PLCXD3: variants seen among roughly 807,000 people sequenced by gnomAD.
The protein encoded by PLCXD3 is phosphatidylinositol specific phospholipase C X domain containing 3, also known as PI-PLC X domain-containing protein 3.
A neutral mutation model predicts 25.5 loss-of-function variants in PLCXD3; 19 were observed. The observed-to-expected ratio is 0.75, with a 90% CI of 0.52 to 1.09. The LOEUF (loss-of-function observed/expected upper bound fraction) is 1.09, where lower values mean the gene tolerates loss of function less well. Among genes scored for constraint, PLCXD3 ranks in the 50% least tolerant of loss-of-function variants. PLCXD3 has a pLI of 0.00. For synonymous variants in PLCXD3, 174 were observed against 137.6 expected (o/e 1.26, Z -1.85); for missense variants, 411 against 388.1 (o/e 1.06, Z -0.50).
intron 1 of PLCXD3, among the ~76,000 whole-genome samples, chr5:41,399,819 G>A (rs1746123669): frequency 6.6e-5 from 10 of 152,044 alleles, no homozygotes; most frequent in Admixed American, 6.6e-4. Context: ...AGAAGCACAA[G>A]CAACCAAAGC....
intron 1 of PLCXD3, among the ~76,000 whole-genome samples, chr5:41,491,484 A>C (rs1748669388): frequency 6.6e-6 from 1 of 152,124 alleles, no homozygotes; most frequent in Non-Finnish European, 1.5e-5. Context: ...ATTCCTGGGT[A>C]TCCTTGTTAA....
chr5:41,414,657 C>T (rs1328587994), intron 1 of PLCXD3, among the ~76,000 whole-genome samples: 1 of 152,204 alleles, frequency 6.6e-6, no homozygotes, highest in Non-Finnish European at 1.5e-5. Context: ...ATTTCAGTTA[C>T]CCATGCTCAA....
chr5:41,447,011 A>G (rs1747519967), intron 1 of PLCXD3, among the ~76,000 whole-genome samples: 1 of 152,260 alleles, frequency 6.6e-6, no homozygotes, highest in Admixed American at 6.5e-5. Flanking sequence ...CAGAAATAAC[A>G]TCCACCTACA....
chr5:41,438,095 G>A (rs147679973), intron 1 of PLCXD3, among the ~76,000 whole-genome samples: 13 of 152,206 alleles, frequency 8.5e-5, no homozygotes, highest in African/African-American at 2.9e-4. Flanking sequence ...TAAGTTGTTT[G>A]GAAAGGTGAC....
intron 2 of PLCXD3, among the ~76,000 whole-genome samples, chr5:41,372,920 TG>T (rs1291621816): frequency 6.6e-6 from 1 of 152,036 alleles, no homozygotes; most frequent in Non-Finnish European, 1.5e-5. Flanking sequence ...GGCATACACC[TG>T]TAATCTCAGC....
At chr5:41,315,812 C>A (rs182101096) in intron 2 of PLCXD3, among the ~76,000 whole-genome samples, 1 of 152,078 alleles carries the variant, frequency 6.6e-6, no homozygotes, top group Non-Finnish European at 1.5e-5. Context: ...AAATGAAAAC[C>A]GGACCTAACT....
At chr5:41,406,354 C>G (rs1170521429) in intron 1 of PLCXD3, among the ~76,000 whole-genome samples, 1 of 152,128 alleles carries the variant, frequency 6.6e-6, no homozygotes, top group African/African-American at 2.4e-5. Context: ...ATTTTAGAGC[C>G]CCTGTGTGCC....
rs1743186357 is a variant in PLCXD3, at chr5:41,313,169, A to G, written c.*448T>C. On this transcript the variant is annotated 3_prime_UTR_variant, in exon 3 of 3. Coordinates refer to ENST00000377801, the MANE Select transcript of PLCXD3 (RefSeq NM_001005473.3). ...CAAAACTAGTAAGTTTTAAGACAAC[A>G]ATGTAATACACAAAATGTTGGGCAT... is the stretch of plus-strand genomic sequence containing the variant. 6.3e-6 allele frequency: 1 copy of G among 159,718 alleles called. No individual in the cohort carries two copies. Among genetic ancestry groups the G allele is most frequent in the Non-Finnish European group, 1.4e-5 (1 of 72,088 alleles). The allele number at this position is 159,718 out of a possible 1,614,324, so 9.9% of individuals were successfully genotyped here.
rs1745507844 is a variant in PLCXD3, at chr5:41,382,679, T to C, written c.104-145A>G. 4 of 619,656 alleles carry C rather than the reference T, an allele frequency of 6.5e-6. No individual in the cohort carries two copies. The South Asian group carries it at 1.1e-4, about 16-fold the overall frequency. 38.4% of individuals were successfully genotyped at this position (619,656 alleles called of 1,614,324 possible). ...GTAATACTAGTTATTTTTTATGCCT[T>C]AGGAGGGTCCTTTATATAAATTGAC... On this transcript the variant is annotated intron_variant, in intron 1 of 2. Transcript: ENST00000377801.
intron 2 of PLCXD3, among the ~76,000 whole-genome samples, chr5:41,374,612 C>CAG (rs144618521): frequency 3.3e-5 from 5 of 151,778 alleles, no homozygotes; most frequent in African/African-American, 4.8e-5. Flanking sequence ...CAGGGAGTGA[C>CAG]AGAGAGAGAG....
At chr5:41,481,216 T>C (rs369538779) in intron 1 of PLCXD3, among the ~76,000 whole-genome samples, 47 of 151,188 alleles carry the variant, frequency 3.1e-4, no homozygotes, top group African/African-American at 1.1e-3. Flanking sequence ...ATTTAGTCTC[T>C]CCATTTGTAT....
rs114475996 is a variant in PLCXD3 at position 41,362,714 on chromosome 5, G to A, written c.812+19112C>T. 5.1e-3 allele frequency among the ~76,000 whole-genome samples: 783 copies of A among 152,152 alleles called. 5 individuals carry two copies. Among genetic ancestry groups the A allele is most frequent in the African/African-American group, 0.017 (719 of 41,508 alleles). ...GTTTTAAATGTAGACATTTTATTTC[G>A]CTTTTTACTGCTTGCTATTTTACTG... On this transcript the variant is annotated intron_variant, in intron 2 of 2. Coordinates refer to ENST00000377801, the MANE Select transcript of PLCXD3 (RefSeq NM_001005473.3).
intron 2 of PLCXD3, among the ~76,000 whole-genome samples, chr5:41,369,363 C>T (rs1247589104): frequency 1.3e-5 from 2 of 152,152 alleles, no homozygotes; most frequent in Non-Finnish European, 2.9e-5. Flanking sequence ...ACAATCTATT[C>T]ATTATAAGCT....
chr5:41,443,761 C>A (rs1480360461), intron 1 of PLCXD3, among the ~76,000 whole-genome samples: 7 of 152,080 alleles, frequency 4.6e-5, no homozygotes, highest in Admixed American at 4.6e-4. Context: ...TCCTTTTTGA[C>A]AAGCATTTCA....
At chr5:41,509,244 C>T (rs1738970112) in intron 1 of PLCXD3, among the ~76,000 whole-genome samples, 1 of 152,054 alleles carries the variant, frequency 6.6e-6, no homozygotes, top group Non-Finnish European at 1.5e-5. Flanking sequence ...AGGAGGTAGA[C>T]CATAACGTTG....
At chr5:41,388,326 G>A (rs1251257418) in intron 1 of PLCXD3, among the ~76,000 whole-genome samples, 5 of 151,946 alleles carry the variant, frequency 3.3e-5, no homozygotes, top group Admixed American at 6.6e-5. Flanking sequence ...GGATGTGGAA[G>A]GAAAACATGT....
intron 2 of PLCXD3, among the ~76,000 whole-genome samples, chr5:41,316,522 C>G (rs193055872): frequency 2.6e-5 from 4 of 152,306 alleles, no homozygotes; most frequent in East Asian, 3.9e-4. Context: ...GGTACCAACA[C>G]TGCCATGGTT....
chr5:41,482,884 T>C (rs1352662500), intron 1 of PLCXD3, among the ~76,000 whole-genome samples: 2 of 152,218 alleles, frequency 1.3e-5, no homozygotes, highest in Admixed American at 6.5e-5. Context: ...ACCAGAACTT[T>C]TTCATCTTGT....
rs1743072546 is a variant in PLCXD3 at position 41,309,409 on chromosome 5, G to T, written c.*4208C>A. 6.6e-6 allele frequency: 1 copy of T among 152,562 alleles called. No homozygotes were observed. The highest frequency in any genetic ancestry group is 2.4e-5 in the African/African-American group (1 of 41,446). 9.5% of individuals were successfully genotyped at this position (152,562 alleles called of 1,614,324 possible). ...ATCTAGCTGAAAAGACTAAAGTGCT[G>T]TAAAATAAAATGCTCTTAAAAACCT... is the stretch of plus-strand genomic sequence containing the variant. On this transcript the variant is annotated 3_prime_UTR_variant, in exon 3 of 3. Transcript: ENST00000377801.
Sources: allele counts gnomAD v4.1 joint callset (sites outside exome capture counted in the v4.1 genomes callset), GRCh38; gene constraint gnomAD v4.1.1; transcripts MANE v1.5; gene names NCBI Gene and HGNC (gene_info 2026-07-23, HGNC 2026-07-21).